The following CDH18 variants were observed in gnomAD, a reference collection of about 807,000 sequenced individuals.
CDH18 encodes the protein cadherin 18, also known as cadherin-18.
In CDH18, 31 loss-of-function variants were observed where a neutral mutation model predicts 67.9. The observed-to-expected ratio is 0.46, with a 90% confidence interval of 0.34 to 0.62. The LOEUF (loss-of-function observed/expected upper bound fraction) is 0.62. Ranked by LOEUF, CDH18 falls within the 20% of genes least tolerant of loss-of-function variation. CDH18 has a pLI of 0.01. For missense variants in CDH18, 890 were observed against 975.5 expected (o/e 0.91, Z 1.17); for synonymous variants, 362 against 347.2 (o/e 1.04, Z -0.48).
At chr5:19,871,750 T>C (rs1156540807) in intron 2 of CDH18, among the ~76,000 whole-genome samples, 1 of 152,124 alleles carries the variant, frequency 6.6e-6, no homozygotes, top group Non-Finnish European at 1.5e-5. Context: ...AAAGAGAGGA[T>C]GCAAGATCCT....
chr5:19,807,021 G>A (rs1319027744), intron 3 of CDH18, among the ~76,000 whole-genome samples: 1 of 152,114 alleles, frequency 6.6e-6, no homozygotes, highest in Non-Finnish European at 1.5e-5. Flanking sequence ...TTACTGTACT[G>A]GTTACTACAG....
At chr5:19,593,368 T>C (rs912436512) in intron 6 of CDH18, among the ~76,000 whole-genome samples, 6 of 152,024 alleles carry the variant, frequency 3.9e-5, no homozygotes, top group Admixed American at 1.3e-4. Context: ...TCCTGAGAGG[T>C]ATGAGGTGTT....
intron 2 of CDH18, among the ~76,000 whole-genome samples, chr5:20,051,196 A>C (rs1476311611): frequency 1.3e-5 from 2 of 151,974 alleles, no homozygotes; most frequent in Non-Finnish European, 2.9e-5. Flanking sequence ...AGCATAAATT[A>C]GCTTTTGAAC....
chr5:20,204,446 C>T (rs1580471999), intron 2 of CDH18, among the ~76,000 whole-genome samples: 1 of 151,778 alleles, frequency 6.6e-6, no homozygotes, highest in Admixed American at 6.6e-5. Flanking sequence ...CCAAACAATA[C>T]CTGAGAGAAT....
At chr5:19,787,775 C>T (rs1250290079) in intron 3 of CDH18, among the ~76,000 whole-genome samples, 2 of 148,920 alleles carry the variant, frequency 1.3e-5, no homozygotes, top group Admixed American at 1.4e-4. Context: ...AAGACGCCAG[C>T]ACCAAGTGTC....
chr5:20,376,254 C>T (rs1360556323), intron 1 of CDH18, among the ~76,000 whole-genome samples: 1 of 151,274 alleles, frequency 6.6e-6, no homozygotes, highest in Non-Finnish European at 1.5e-5. Context: ...CCACCTCGCC[C>T]AGCTAATTTT....
intron 2 of CDH18, among the ~76,000 whole-genome samples, chr5:19,858,677 A>G (rs547424805): frequency 6.6e-6 from 1 of 152,322 alleles, no homozygotes; most frequent in Non-Finnish European, 1.5e-5. Context: ...AAGTTATACT[A>G]TATCAATCCA....
At chr5:19,658,949 C>T (rs1756795009) in intron 5 of CDH18, among the ~76,000 whole-genome samples, 1 of 151,956 alleles carries the variant, frequency 6.6e-6, no homozygotes, top group Admixed American at 6.6e-5. Flanking sequence ...CACATATACA[C>T]CATGGAATAC....
intron 2 of CDH18, among the ~76,000 whole-genome samples, chr5:20,063,277 A>G (rs76991188): frequency 0.05 from 7,602 of 151,698 alleles, 239 homozygotes; most frequent in East Asian, 0.14. Flanking sequence ...CTTAACACTA[A>G]TAAAAATAAA....
At chr5:19,758,115 T>A (rs1331247756) in intron 3 of CDH18, among the ~76,000 whole-genome samples, 65 of 152,170 alleles carry the variant, frequency 4.3e-4, no homozygotes, top group Admixed American at 4.2e-3. Context: ...TCATGTAACT[T>A]ACTTGTACCT....
At chr5:19,881,226 T>G (rs1474823474) in intron 2 of CDH18, among the ~76,000 whole-genome samples, 1 of 152,190 alleles carries the variant, frequency 6.6e-6, no homozygotes, top group Non-Finnish European at 1.5e-5. Context: ...ATGCCTTGTT[T>G]TAATAGTGGG....
At chr5:20,430,594 T>A (rs550214678) in intron 1 of CDH18, among the ~76,000 whole-genome samples, 1 of 152,300 alleles carries the variant, frequency 6.6e-6, no homozygotes, top group African/African-American at 2.4e-5. Flanking sequence ...TATCACATAC[T>A]TGTGAAGAAG....
rs1562014136 is a variant in CDH18 at position 20,376,090 on chromosome 5, A to ATTTTTTTTTTT, written c.-579-120586_-579-120585insAAAAAAAAAAA. Among the ~76,000 whole-genome samples, 3 of 16,898 alleles carry ATTTTTTTTTTT rather than the reference A, an allele frequency of 1.8e-4. No individual in the cohort carries two copies. The East Asian group carries it at 5.2e-3, about 29-fold the overall frequency. The allele number at this position is 16,898 out of a possible 152,430, so 11.1% of individuals were successfully genotyped here. ...AACAGTAAGCAATTTAAAAAGAAAC[A>ATTTTTTTTTTT]ATTTTTTTTTTTTTTTTTTTTGAGA... On this transcript the variant is annotated intron_variant, in intron 1 of 14. Transcript: ENST00000507958.
intron 2 of CDH18, among the ~76,000 whole-genome samples, chr5:20,178,716 G>A (rs762897026): frequency 1.2e-4 from 18 of 151,996 alleles, no homozygotes; most frequent in East Asian, 5.8e-4. Context: ...CTTCCCCTAC[G>A]TTGTAATTTG....
intron 5 of CDH18, among the ~76,000 whole-genome samples, chr5:19,692,611 C>A (rs750170416): frequency 3.3e-5 from 5 of 151,474 alleles, no homozygotes; most frequent in Non-Finnish European, 7.4e-5. Context: ...ATGCAAATGG[C>A]CAACAGGTAT....
chr5:20,271,120 C>T (rs1019918896), intron 1 of CDH18, among the ~76,000 whole-genome samples: 2 of 151,620 alleles, frequency 1.3e-5, no homozygotes, highest in East Asian at 3.9e-4. Context: ...TGCACATGTA[C>T]CCCTGAACTT....
At chr5:20,453,986 G>A (rs924422699) in intron 1 of CDH18, among the ~76,000 whole-genome samples, 2 of 152,094 alleles carry the variant, frequency 1.3e-5, no homozygotes, top group African/African-American at 2.4e-5. Flanking sequence ...TCAGACTACT[G>A]TTATGGAAAA....
chr5:19,605,570 C>T (rs1747900909), intron 6 of CDH18, among the ~76,000 whole-genome samples: 1 of 151,906 alleles, frequency 6.6e-6, no homozygotes, highest in South Asian at 2.1e-4. Flanking sequence ...AATGATCTTT[C>T]AAATCTGGAT....
intron 1 of CDH18, among the ~76,000 whole-genome samples, chr5:20,405,995 C>T (rs576481715): frequency 6.6e-6 from 1 of 152,224 alleles, no homozygotes; most frequent in East Asian, 1.9e-4. Context: ...GGACTGTAAA[C>T]GAGTTCAACC....
Sources: gnomAD v4.1 joint callset for allele counts (sites outside exome capture counted in the v4.1 genomes callset) on GRCh38, gnomAD v4.1.1 for gene constraint, MANE v1.5 for transcripts, NCBI Gene and HGNC (gene_info 2026-07-23, HGNC 2026-07-21) for gene names.